PCSK6: variants seen among roughly 807,000 people sequenced by gnomAD.
PCSK6 encodes proprotein convertase subtilisin/kexin type 6.
In PCSK6, 85 loss-of-function variants were observed where a neutral mutation model predicts 123.3. The ratio of observed to expected loss-of-function variants is 0.69; its 90% CI spans 0.58 to 0.83. The LOEUF is 0.83. Among genes scored for constraint, PCSK6 ranks in the 40% least tolerant of loss-of-function variants. PCSK6 has a pLI of 0.00. For synonymous variants in PCSK6, 508 were observed against 516.0 expected, an observed-to-expected ratio of 0.98 and a Z score of 0.21; for missense variants, 1,191 against 1,282.3, an observed-to-expected ratio of 0.93 and a Z score of 1.09.
chr15:101,442,179 T>TG (rs2056771580), intron 2 of PCSK6, among the ~76,000 whole-genome samples: 1 of 152,230 alleles, frequency 6.6e-6, no homozygotes, highest in South Asian at 2.1e-4. Flanking sequence ...CCCCATGTGA[T>TG]GGGGTGAGAC....
chr15:101,464,210 A>G (rs751272799), intron 1 of PCSK6, among the ~76,000 whole-genome samples: 2 of 152,030 alleles, frequency 1.3e-5, no homozygotes, highest in Non-Finnish European at 2.9e-5. Flanking sequence ...ACTCACCCAC[A>G]TCCTGCGCCA....
At chr15:101,372,195 G>C (rs1347701481) in intron 11 of PCSK6, among the ~76,000 whole-genome samples, 2 of 152,100 alleles carry the variant, frequency 1.3e-5, no homozygotes, top group African/African-American at 4.8e-5. Flanking sequence ...CTTCAGTGCA[G>C]ACCCACCGCC....
intron 9 of PCSK6, among the ~76,000 whole-genome samples, chr15:101,386,097 G>A (rs997258112): frequency 6.6e-6 from 1 of 151,958 alleles, no homozygotes; most frequent in African/African-American, 2.4e-5. Flanking sequence ...CCTTGTCTCG[G>A]TGCACGTTTA....
chr15:101,473,200 C>T (rs531756010), intron 1 of PCSK6, among the ~76,000 whole-genome samples: 1 of 152,288 alleles, frequency 6.6e-6, no homozygotes, highest in East Asian at 1.9e-4. Flanking sequence ...CCTCAGCCTC[C>T]TGAGTAGCTG....
intron 11 of PCSK6, among the ~76,000 whole-genome samples, chr15:101,381,444 C>T (rs527909590): frequency 2.6e-5 from 4 of 152,288 alleles, no homozygotes; most frequent in Admixed American, 2.0e-4. Context: ...CGGGTGTGCC[C>T]TGCTCACGGG....
At chr15:101,384,587 TTGTAAACAAG>T (rs1351214153) in intron 9 of PCSK6, among the ~76,000 whole-genome samples, 162 bp from the exon 10 acceptor site, 3 of 152,182 alleles carry the variant, frequency 2.0e-5, no homozygotes, top group East Asian at 3.9e-4. Context: ...CACCACCTCT[TTGTAAACAAG>T]TTTCCGGCAA....
intron 1 of PCSK6, among the ~76,000 whole-genome samples, chr15:101,474,375 C>A (rs559371312): frequency 6.6e-6 from 1 of 152,342 alleles, no homozygotes; most frequent in South Asian, 2.1e-4. Context: ...TGCTGTGACC[C>A]TCGGAGAGGA....
intron 1 of PCSK6, among the ~76,000 whole-genome samples, chr15:101,472,249 A>C (rs2057624679): frequency 6.6e-6 from 1 of 152,192 alleles, no homozygotes; most frequent in African/African-American, 2.4e-5. Flanking sequence ...TTCTGCTATG[A>C]AGGGGCCGAC....
intron 1 of PCSK6, among the ~76,000 whole-genome samples, chr15:101,447,912 C>G (rs1219149995): frequency 2.0e-5 from 3 of 152,236 alleles, no homozygotes; most frequent in Non-Finnish European, 4.4e-5. Context: ...GCCCTGGCAG[C>G]CTCCTCCTCC....
intron 2 of PCSK6, among the ~76,000 whole-genome samples, chr15:101,443,206 C>A (rs543991701): frequency 1.3e-5 from 2 of 152,176 alleles, no homozygotes; most frequent in Non-Finnish European, 2.9e-5. Flanking sequence ...TTCATAGTAA[C>A]CATTAACATA....
chr15:101,369,456 G>A (rs1471339045), intron 12 of PCSK6, among the ~76,000 whole-genome samples: 1 of 152,244 alleles, frequency 6.6e-6, no homozygotes, highest in Non-Finnish European at 1.5e-5. Flanking sequence ...GAGTGGGCAA[G>A]GGGACCACAC....
intron 1 of PCSK6, among the ~76,000 whole-genome samples, chr15:101,485,049 G>A (rs1236173431): frequency 6.6e-6 from 1 of 152,172 alleles, no homozygotes; most frequent in Admixed American, 6.5e-5. Context: ...ATCTCCACCA[G>A]CAGCATCTGA....
At chr15:101,359,238 G>A (rs778859488) in intron 13 of PCSK6, among the ~76,000 whole-genome samples, 3 of 152,092 alleles carry the variant, frequency 2.0e-5, no homozygotes, top group East Asian at 1.9e-4. Context: ...ATGTGTCCCC[G>A]CCCCCCAAAT....
At chr15:101,366,111 A>G (rs978392058) in intron 13 of PCSK6, 85 bp downstream of exon 13, 3 of 1,352,030 alleles carry the variant, frequency 2.2e-6, no homozygotes, top group African/African-American at 2.9e-5. Flanking sequence ...AAGAATTATC[A>G]GAGACTCCGT....
intron 1 of PCSK6, among the ~76,000 whole-genome samples, chr15:101,482,666 C>T (rs1206803247): frequency 6.6e-6 from 1 of 152,172 alleles, no homozygotes; most frequent in Non-Finnish European, 1.5e-5. Context: ...AGGCGGTGTC[C>T]CAGCCTCCCC....
chr15:101,404,524 A>AGGCTGGCAAGATCGTGGC (rs1362472669), intron 6 of PCSK6, among the ~76,000 whole-genome samples: 2 of 152,182 alleles, frequency 1.3e-5, no homozygotes, highest in African/African-American at 4.8e-5. Flanking sequence ...CCAGTGCAAG[A>AGGCTGGCAAGATCGTGGC]GGCTGGCAAG....
chr15:101,388,580 G>C (rs12900482), intron 9 of PCSK6, among the ~76,000 whole-genome samples: 31,533 of 152,164 alleles, frequency 0.21, 4,134 homozygotes, highest in African/African-American at 0.37. Flanking sequence ...GCAACCTAAA[G>C]TGTGGATTTG....
chr15:101,385,904 T>C (rs1398233574), intron 9 of PCSK6, among the ~76,000 whole-genome samples: 1 of 152,228 alleles, frequency 6.6e-6, no homozygotes, highest in Non-Finnish European at 1.5e-5. Context: ...TATTCCTTTT[T>C]TAGTCGGTTA....
intron 6 of PCSK6, among the ~76,000 whole-genome samples, chr15:101,425,575 CT>C (rs1171281978): frequency 3.3e-5 from 5 of 152,188 alleles, no homozygotes; most frequent in African/African-American, 1.2e-4. Context: ...ATGTATAAAT[CT>C]AAGATAGAGC....
Sources: allele counts gnomAD v4.1 joint callset (sites outside exome capture counted in the v4.1 genomes callset), GRCh38; gene constraint gnomAD v4.1.1; transcripts MANE v1.5; gene names NCBI Gene and HGNC (gene_info 2026-07-23, HGNC 2026-07-21).